Variants in HMGXB4 observed in about 807,000 individuals in gnomAD.
The protein encoded by HMGXB4 is HMG-box containing 4.
A neutral mutation model predicts 63.9 loss-of-function variants in HMGXB4; 27 were observed. The observed-to-expected ratio is 0.42, with a 90% CI of 0.31 to 0.58. HMGXB4 has a LOEUF of 0.58. Among genes scored for constraint, HMGXB4 ranks in the 20% least tolerant of loss-of-function variants. The pLI is 0.13. For synonymous variants in HMGXB4, 264 were observed against 265.3 expected (o/e 0.99, Z 0.05); for missense variants, 624 against 700.7 (o/e 0.89, Z 1.24).
intron 5 of HMGXB4, among the ~76,000 whole-genome samples, chr22:35,271,374 C>T (rs1389653157): frequency 2.0e-5 from 3 of 152,162 alleles, no homozygotes; most frequent in African/African-American, 7.2e-5. Context: ...ACCCCTTCTA[C>T]CTTAGATTCT....
At chr22:35,291,906 G>T (rs138321511) in intron 9 of HMGXB4, among the ~76,000 whole-genome samples, 2 of 152,170 alleles carry the variant, frequency 1.3e-5, no homozygotes, top group Non-Finnish European at 1.5e-5. Context: ...GAAAGTATAG[G>T]GGGGAGATGT....
At chr22:35,277,201 A>T (rs1923962677) in intron 5 of HMGXB4, among the ~76,000 whole-genome samples, 1 of 152,220 alleles carries the variant, frequency 6.6e-6, no homozygotes, top group Non-Finnish European at 1.5e-5. Context: ...AGTTGTTGGC[A>T]GCTTTCAGTC....
At position 35,294,625 on chromosome 22, in the gene HMGXB4, GTTTAT is replaced by G. The variant is rs1925150417; in HGVS notation, c.*977_*981del. The G allele has an allele frequency of 6.6e-6, 1 of 152,502 alleles. No homozygotes were observed. Among genetic ancestry groups the G allele is most frequent in the African/African-American group, 2.4e-5 (1 of 41,484 alleles). The allele number at this position is 152,502 out of a possible 1,614,324, so 9.4% of individuals were successfully genotyped here. On this transcript the variant is annotated 3_prime_UTR_variant, in exon 11 of 11. Coordinates refer to ENST00000216106, the MANE Select transcript of HMGXB4 (RefSeq NM_001003681.3). ...CAAAACAAAACTCACTCTCTTGTAGGTTTATTTATGTGTGTGTGAATGTGTATTTT... is the reference window on the plus strand; with the variant it reads ...CAAAACAAAACTCACTCTCTTGTAGGTTATGTGTGTGTGAATGTGTATTTT...
chr22:35,277,340 GTT>G (rs1393117518), intron 5 of HMGXB4, among the ~76,000 whole-genome samples: 3 of 152,066 alleles, frequency 2.0e-5, no homozygotes, highest in Admixed American at 6.6e-5. Flanking sequence ...GGTTTTCTTT[GTT>G]TTGTTTTTGT....
At chr22:35,265,981 G>A (rs1165894141) in intron 5 of HMGXB4, among the ~76,000 whole-genome samples, 1 of 150,270 alleles carries the variant, frequency 6.7e-6, no homozygotes, top group Admixed American at 6.6e-5. Context: ...TAGAGACGAG[G>A]TTTCACCATG....
chr22:35,267,148 A>ATATATATGT (rs5845220), intron 5 of HMGXB4, among the ~76,000 whole-genome samples: 1 of 118,722 alleles, frequency 8.4e-6, no homozygotes, highest in South Asian at 2.5e-4. Flanking sequence ...GTGTGTGTGT[A>ATATATATGT]TATATAATAT....
intron 5 of HMGXB4, among the ~76,000 whole-genome samples, chr22:35,272,685 C>G (rs1336140388): frequency 1.3e-5 from 2 of 152,270 alleles, no homozygotes; most frequent in African/African-American, 4.8e-5. Context: ...ACCTGTAATC[C>G]AGCACTTTGG....
rs1924557664 is a variant in HMGXB4 at position 35,286,044 on chromosome 22, C to T, written c.1345C>T (p.Pro449Ser). ...ACTGGCTGAGGTGTGGAAGCAATTACCAGAAAAAGACAAACTGGTAAGTAC... is the reference window on the plus strand; with the variant it reads ...ACTGGCTGAGGTGTGGAAGCAATTATCAGAAAAAGACAAACTGGTAAGTAC... The part of the protein sequence containing the change: ...KKLAEVWKQL[P>S]EKDKLIWKQK... Residue 449 changes from proline to serine, a missense_variant, in exon 7 of 11, where the codon CCA (proline) becomes TCA (serine). Coordinates refer to ENST00000216106, the MANE Select transcript of HMGXB4 (RefSeq NM_001003681.3). The T allele has an allele frequency of 6.2e-7, 1 of 1,607,370 alleles. No homozygotes were observed. The highest frequency in any genetic ancestry group is 1.7e-5 in the Admixed American group (1 of 58,386).
At chr22:35,268,868 C>G (rs536839607) in intron 5 of HMGXB4, among the ~76,000 whole-genome samples, 30 of 152,146 alleles carry the variant, frequency 2.0e-4, no homozygotes, top group Non-Finnish European at 3.7e-4. Flanking sequence ...AGTGACCTTC[C>G]TCTTCTTACA....
At chr22:35,251,535 G>T in the HMGXB4 span, among the ~76,000 whole-genome samples, 1 of 152,180 alleles carries the variant, frequency 6.6e-6, no homozygotes, top group Non-Finnish European at 1.5e-5. Flanking sequence ...TTAGAAACAG[G>T]CCCTGTCCTT....
chr22:35,268,039 A>C (rs1440538131), intron 5 of HMGXB4, among the ~76,000 whole-genome samples: 1 of 152,228 alleles, frequency 6.6e-6, no homozygotes, highest in Non-Finnish European at 1.5e-5. Context: ...AGCCAAGATC[A>C]CGCCACTGCA....
intron 5 of HMGXB4, among the ~76,000 whole-genome samples, chr22:35,265,978 G>A (rs1334385200): frequency 2.0e-5 from 3 of 146,790 alleles, no homozygotes; most frequent in Non-Finnish European, 3.0e-5. Context: ...TAATAGAGAC[G>A]AGGTTTCACC....
chr22:35,263,239 A>G lies in HMGXB4; in HGVS notation c.180+13A>G. ...GAAGAAGTTGAAGGTAAGTCCTGAA[A>G]ATTTAAATTAGGAAAGTCTTAAACT... On this transcript the variant is annotated intron_variant, in intron 3 of 10. Transcript: ENST00000216106. 1 of 1,597,270 alleles carries G rather than the reference A, an allele frequency of 6.3e-7. No individual in the cohort carries two copies.
At chr22:35,288,471 C>G (rs1172889841) in intron 9 of HMGXB4, 64 bp downstream of exon 9, 2 of 1,309,240 alleles carry the variant, frequency 1.5e-6, no homozygotes, top group African/African-American at 1.5e-5. Context: ...AATTTTGATT[C>G]ATTCACTCAT....
intron 5 of HMGXB4, among the ~76,000 whole-genome samples, chr22:35,267,269 A>G (rs1923324057): frequency 6.6e-6 from 1 of 151,896 alleles, no homozygotes; most frequent in Admixed American, 6.6e-5. Flanking sequence ...AGACCTGGAT[A>G]TTCCAATACT....
the HMGXB4 span, among the ~76,000 whole-genome samples, chr22:35,245,832 C>T: frequency 3.1e-4 from 47 of 152,152 alleles, no homozygotes; most frequent in Non-Finnish European, 6.3e-4. Context: ...CTCTGCTAGG[C>T]TTCTGCTGCT....
chr22:35,279,677 C>CT (rs35564206), intron 5 of HMGXB4, among the ~76,000 whole-genome samples: 4,496 of 55,118 alleles, frequency 0.082, 326 homozygotes, highest in African/African-American at 0.16. Context: ...GTCTAGATTC[C>CT]TTTTTTTTTT....
At chr22:35,286,398 G>A (rs1436423085) in intron 7 of HMGXB4, among the ~76,000 whole-genome samples, 1 of 152,182 alleles carries the variant, frequency 6.6e-6, no homozygotes, top group East Asian at 1.9e-4. Context: ...ATCAGTCATG[G>A]TCTGAGAACT....
At chr22:35,251,731 G>A in the HMGXB4 span, among the ~76,000 whole-genome samples, 71 of 152,242 alleles carry the variant, frequency 4.7e-4, no homozygotes, top group Middle Eastern at 3.4e-3. Context: ...TAATTGATAC[G>A]CAAGGAAGTG....
Sources: gnomAD v4.1 joint callset for allele counts (sites outside exome capture counted in the v4.1 genomes callset) on GRCh38, gnomAD v4.1.1 for gene constraint, MANE v1.5 for transcripts, NCBI Gene and HGNC (gene_info 2026-07-23, HGNC 2026-07-21) for gene names.